The following DCAF5 variants were observed in gnomAD, a reference collection of about 807,000 sequenced individuals.
DCAF5 encodes DDB1- and CUL4-associated factor 5.
In DCAF5, 9 loss-of-function variants were observed where a neutral mutation model predicts 80.7. The observed-to-expected ratio is 0.11, with a 90% confidence interval of 0.07 to 0.19. The LOEUF (loss-of-function observed/expected upper bound fraction) is 0.19. DCAF5 is among the 10% of genes least tolerant of loss of function. The pLI is 1.00. For synonymous variants in DCAF5, 433 were observed against 461.9 expected (o/e 0.94, Z 0.80); for missense variants, 842 against 1,205.7 (o/e 0.70, Z 4.47).
chr14:69,101,250 C>T (rs2039942213), intron 5 of DCAF5, among the ~76,000 whole-genome samples: 3 of 152,194 alleles, frequency 2.0e-5, no homozygotes, highest in African/African-American at 7.2e-5. Context: ...TGCAATGCAT[C>T]AGGGCCAGAA....
Position 69,116,476 on chromosome 14 carries a change from G to A in DCAF5, c.555C>T (p.Asn185=), listed in dbSNP as rs2040547498. The A allele has an allele frequency of 1.2e-6, 2 of 1,613,208 alleles. No individual in the cohort carries two copies. The highest frequency in any genetic ancestry group is 1.7e-6 in the Non-Finnish European group (2 of 1,179,396). The change falls in exon 5 of 9, where the codon AAC becomes AAT. Residue 185 remains asparagine, a synonymous_variant. Coordinates refer to ENST00000341516, the MANE Select transcript of DCAF5 (RefSeq NM_003861.3). The stretch of plus-strand genomic sequence containing the variant: ...TGACACTATGAAAGGCTGATGGATA[G>A]TTTGCCAGGCAGAAGGGCTCTGTGG... ...SPHGEPFCLA[N]YPSAFHSVMF...
At chr14:69,086,284 C>T (rs1018559656) in intron 6 of DCAF5, among the ~76,000 whole-genome samples, 3 of 151,952 alleles carry the variant, frequency 2.0e-5, no homozygotes, top group Admixed American at 1.3e-4. Flanking sequence ...CTTGAACCTG[C>T]GAGGCAGAGG....
chr14:69,143,960 C>T (rs1024384216), intron 1 of DCAF5: 2 of 152,554 alleles, frequency 1.3e-5, no homozygotes, highest in Non-Finnish European at 2.9e-5. Context: ...CGCCATATTT[C>T]ACTTCATTTT....
At chr14:69,091,638 C>CG (rs753172486) in intron 6 of DCAF5, 36 bp downstream of exon 6, 1 of 1,570,588 alleles carries the variant, frequency 6.4e-7, no homozygotes, top group South Asian at 1.1e-5. Flanking sequence ...GAAAGAAAAG[C>CG]ATAAGTGTGA....
intron 6 of DCAF5, among the ~76,000 whole-genome samples, chr14:69,086,519 T>C (rs2039326888): frequency 1.3e-5 from 2 of 151,354 alleles, no homozygotes; most frequent in South Asian, 4.2e-4. Flanking sequence ...AAACCAACGG[T>C]TGAATTTCCC....
chr14:69,096,382 CA>C (rs750304848), intron 5 of DCAF5, among the ~76,000 whole-genome samples: 5 of 152,338 alleles, frequency 3.3e-5, no homozygotes, highest in Admixed American at 6.5e-5. Context: ...TTCACTGCCA[CA>C]TTTCTCTGGC....
At chr14:69,065,453 C>T (rs891732826) in intron 7 of DCAF5, among the ~76,000 whole-genome samples, 25 of 152,096 alleles carry the variant, frequency 1.6e-4, no homozygotes, top group African/African-American at 5.8e-4. Context: ...TTCTTTCCAC[C>T]CATGCTGGTA....
intron 5 of DCAF5, among the ~76,000 whole-genome samples, chr14:69,103,467 A>G (rs1454107804): frequency 1.3e-5 from 2 of 152,226 alleles, no homozygotes; most frequent in Admixed American, 6.5e-5. Flanking sequence ...AGCAAGACAC[A>G]AGAAATGTAC....
At chr14:69,133,481 G>A (rs372363241) in intron 1 of DCAF5, among the ~76,000 whole-genome samples, 1 of 152,200 alleles carries the variant, frequency 6.6e-6, no homozygotes, top group Non-Finnish European at 1.5e-5. Flanking sequence ...TTAAGGTTGA[G>A]TGATTTGCCC....
chr14:69,088,957 T>TA (rs1346368430), intron 6 of DCAF5, among the ~76,000 whole-genome samples: 1 of 150,154 alleles, frequency 6.7e-6, no homozygotes, highest in Non-Finnish European at 1.5e-5. Context: ...AGACATGTTC[T>TA]AGGACTGGGA....
At chr14:69,141,538 G>A (rs1471656891) in intron 1 of DCAF5, among the ~76,000 whole-genome samples, 1 of 152,074 alleles carries the variant, frequency 6.6e-6, no homozygotes, top group Non-Finnish European at 1.5e-5. Context: ...AGTGTGTGAT[G>A]TTCCCCTTCC....
intron 1 of DCAF5, among the ~76,000 whole-genome samples, chr14:69,124,135 G>A (rs944430393): frequency 1.3e-5 from 2 of 152,136 alleles, no homozygotes; most frequent in African/African-American, 2.4e-5. Context: ...CATCCAGGTC[G>A]TGGCATGTAT....
chr14:69,091,062 G>A, intron 6 of DCAF5: 1 of 747,646 alleles, frequency 1.3e-6, no homozygotes, highest in Non-Finnish European at 2.5e-6. Flanking sequence ...TTCTTAAACT[G>A]CCAGCTTTAA....
At chr14:69,105,048 T>TA (rs1445541191) in intron 5 of DCAF5, among the ~76,000 whole-genome samples, 24 of 151,738 alleles carry the variant, frequency 1.6e-4, no homozygotes, top group Admixed American at 3.9e-4. Flanking sequence ...GTTTTTTTTT[T>TA]AATTATCTTT....
chr14:69,076,647 G>A (rs766800879), intron 6 of DCAF5, among the ~76,000 whole-genome samples: 5 of 152,208 alleles, frequency 3.3e-5, no homozygotes, highest in Admixed American at 1.3e-4. Context: ...AAGAGTTAGC[G>A]TTTGTTGGGG....
chr14:69,089,736 CA>C (rs779695541), intron 6 of DCAF5: 4 of 171,508 alleles, frequency 2.3e-5, no homozygotes, highest in Non-Finnish European at 4.7e-5. Flanking sequence ...GGTTCTCAAC[CA>C]GGGGCAATTT....
At chr14:69,062,543 G>A (rs753259649) in intron 7 of DCAF5, 32 bp from the exon 8 acceptor site, 1 of 1,608,496 alleles carries the variant, frequency 6.2e-7, no homozygotes, top group Non-Finnish European at 8.5e-7. Context: ...AAAATCAGAT[G>A]ATGAAATGAA....
chr14:69,132,971 G>A (rs550737528), intron 1 of DCAF5, among the ~76,000 whole-genome samples: 1 of 152,310 alleles, frequency 6.6e-6, no homozygotes, highest in Admixed American at 6.5e-5. Flanking sequence ...TAATGAGATA[G>A]ATCTGTGTAA....
In DCAF5 at chr14:69,122,210, T is replaced by C. The variant is rs1195020424; in HGVS notation, c.358+7A>G. ...TGACGTTCCCAAGGTAGAATCTCCC[T>C]TTTTACCTCCAGAGAACACTTTAGT... On this transcript the variant is annotated splice_region_variant and intron_variant, in intron 2 of 8. Transcript: ENST00000341516. The C allele has an allele frequency of 2.5e-6, 4 of 1,610,616 alleles. No homozygotes were observed. The highest frequency in any genetic ancestry group is 2.2e-5 in the East Asian group (1 of 44,822).
Sources: gnomAD v4.1 joint callset for allele counts (sites outside exome capture counted in the v4.1 genomes callset) on GRCh38, gnomAD v4.1.1 for gene constraint, MANE v1.5 for transcripts, NCBI Gene and HGNC (gene_info 2026-07-23, HGNC 2026-07-21) for gene names.